The following ROR1 variants were observed in gnomAD, a reference collection of about 807,000 sequenced individuals.
ROR1 encodes the protein ROR family WNT receptor 1.
ROR1 carries 19 observed loss-of-function variants against 78.8 expected under a neutral mutation model. That is an observed-to-expected ratio of 0.24 (90% CI 0.17 to 0.35). The LOEUF (loss-of-function observed/expected upper bound fraction) is 0.35, where lower values mean the gene tolerates loss of function less well. Ranked by LOEUF, ROR1 falls within the 10% of genes least tolerant of loss-of-function variation. ROR1 has a pLI of 1.00. For synonymous variants in ROR1, 386 were observed against 433.6 expected (o/e 0.89, Z 1.36); for missense variants, 917 against 1,177.8 (o/e 0.78, Z 3.24).
At chr1:64,075,252 A>G (rs1341320009) in intron 4 of ROR1, among the ~76,000 whole-genome samples, 1 of 152,224 alleles carries the variant, frequency 6.6e-6, no homozygotes, top group Non-Finnish European at 1.5e-5. Flanking sequence ...CATCTAGAGA[A>G]TAGAGTAAAA....
intron 2 of ROR1, among the ~76,000 whole-genome samples, chr1:64,014,831 A>G (rs532266323): frequency 1.4e-5 from 2 of 137,952 alleles, no homozygotes; most frequent in South Asian, 2.4e-4. Context: ...TTGGAGCTTT[A>G]GCAGGGAAGT....
At chr1:63,860,473 C>A (rs1233163044) in intron 1 of ROR1, among the ~76,000 whole-genome samples, 1 of 151,758 alleles carries the variant, frequency 6.6e-6, no homozygotes, top group African/African-American at 2.4e-5. Context: ...GTAATCCCAG[C>A]ACTTTGGGAG....
intron 2 of ROR1, among the ~76,000 whole-genome samples, chr1:64,013,390 A>C (rs960190683): frequency 6.6e-6 from 1 of 151,774 alleles, no homozygotes; most frequent in Non-Finnish European, 1.5e-5. Context: ...ACCCCTACTG[A>C]CTCTTCTTAT....
intron 1 of ROR1, among the ~76,000 whole-genome samples, chr1:63,835,087 T>C (rs1645012223): frequency 6.6e-6 from 1 of 152,140 alleles, no homozygotes; most frequent in African/African-American, 2.4e-5. Context: ...CCCATCTATT[T>C]TGGTGCTTTC....
intron 1 of ROR1, among the ~76,000 whole-genome samples, chr1:63,832,475 G>A (rs1230553396): frequency 1.3e-5 from 2 of 152,164 alleles, no homozygotes; most frequent in Non-Finnish European, 2.9e-5. Context: ...CTCCTCCCTT[G>A]ACATGTGGGG....
At chr1:63,786,518 C>T (rs919340943) in intron 1 of ROR1, among the ~76,000 whole-genome samples, 1 of 150,720 alleles carries the variant, frequency 6.6e-6, no homozygotes, top group Admixed American at 6.6e-5. Context: ...GTGATCCTCC[C>T]GCCTCGGCCT....
intron 4 of ROR1, among the ~76,000 whole-genome samples, chr1:64,117,358 G>A (rs942496203): frequency 7.2e-5 from 11 of 152,098 alleles, no homozygotes; most frequent in Non-Finnish European, 1.5e-4. Context: ...TTCTTTGTAT[G>A]CAGGAGCCCA....
At chr1:63,793,749 G>GTATA (rs945916075) in intron 1 of ROR1, among the ~76,000 whole-genome samples, 3 of 152,228 alleles carry the variant, frequency 2.0e-5, no homozygotes, top group Non-Finnish European at 4.4e-5. Context: ...TGACTGGCAG[G>GTATA]TATATACCTG....
intron 1 of ROR1, among the ~76,000 whole-genome samples, chr1:63,835,501 G>T (rs1207523133): frequency 6.6e-6 from 1 of 152,140 alleles, no homozygotes; most frequent in Non-Finnish European, 1.5e-5. Context: ...TCCCAGTTTT[G>T]CTAAAATCCA....
At chr1:63,812,228 G>A (rs529146031) in intron 1 of ROR1, among the ~76,000 whole-genome samples, 15 of 152,276 alleles carry the variant, frequency 9.9e-5, no homozygotes, top group African/African-American at 3.6e-4. Context: ...CCAAAGTGCT[G>A]GAGTTCGCTA....
chr1:64,107,402 C>T (rs551614807), intron 4 of ROR1, among the ~76,000 whole-genome samples: 2 of 152,288 alleles, frequency 1.3e-5, no homozygotes, highest in Admixed American at 1.3e-4. Context: ...GCAATGATAG[C>T]TAGTTTAGGT....
intron 1 of ROR1, among the ~76,000 whole-genome samples, chr1:63,813,994 A>G (rs917409506): frequency 6.6e-6 from 1 of 152,136 alleles, no homozygotes; most frequent in Non-Finnish European, 1.5e-5. Flanking sequence ...TTCATTGTTT[A>G]TCTCCTTTGT....
intron 2 of ROR1, among the ~76,000 whole-genome samples, chr1:64,016,678 TTTTG>T (rs1299895616): frequency 6.7e-6 from 1 of 149,862 alleles, no homozygotes; most frequent in African/African-American, 2.4e-5. Context: ...TAAACACTGA[TTTTG>T]TTTGTGTGTG....
chr1:63,785,284 T>C (rs1280898309), intron 1 of ROR1, among the ~76,000 whole-genome samples: 3 of 152,202 alleles, frequency 2.0e-5, no homozygotes, highest in African/African-American at 4.8e-5. Context: ...TTTTCTTTTT[T>C]CTGCCTGAAC....
intron 1 of ROR1, among the ~76,000 whole-genome samples, chr1:63,780,772 C>CT (rs1644647325): frequency 6.6e-6 from 1 of 152,146 alleles, no homozygotes; most frequent in Middle Eastern, 3.2e-3. Flanking sequence ...AAAACAAAGG[C>CT]TTTTTTCAGA....
intron 1 of ROR1, among the ~76,000 whole-genome samples, chr1:63,824,768 TAC>T (rs1644943692): frequency 6.6e-6 from 1 of 152,234 alleles, no homozygotes; most frequent in Non-Finnish European, 1.5e-5. Context: ...ATAAAAATTT[TAC>T]AGTTATGAGC....
chr1:63,949,865 G>T (rs1645920540), intron 1 of ROR1, among the ~76,000 whole-genome samples: 1 of 152,058 alleles, frequency 6.6e-6, no homozygotes, highest in Non-Finnish European at 1.5e-5. Context: ...TGGTTTGTGT[G>T]GGGTGGAGGT....
At chr1:64,159,582 GT>G (rs1219172124) in intron 8 of ROR1, among the ~76,000 whole-genome samples, 2 of 152,100 alleles carry the variant, frequency 1.3e-5, no homozygotes, top group Non-Finnish European at 2.9e-5. Context: ...AAACTTCACT[GT>G]CAAGAACCTT....
chr1:64,094,025 T>G (rs1647233350), intron 4 of ROR1, among the ~76,000 whole-genome samples: 1 of 152,176 alleles, frequency 6.6e-6, no homozygotes, highest in African/African-American at 2.4e-5. Context: ...CTATCAAATT[T>G]CAAAGCTGTT....
Sources: allele counts gnomAD v4.1 joint callset (sites outside exome capture counted in the v4.1 genomes callset), GRCh38; gene constraint gnomAD v4.1.1; transcripts MANE v1.5; gene names NCBI Gene and HGNC (gene_info 2026-07-23, HGNC 2026-07-21).